Variants in IL1RAPL1 observed in about 807,000 individuals in gnomAD.
IL1RAPL1 encodes interleukin 1 receptor accessory protein like 1, also known as interleukin-1 receptor accessory protein-like 1.
In IL1RAPL1, 3 loss-of-function variants were observed where a neutral mutation model predicts 48.4. The ratio of observed to expected loss-of-function variants is 0.06; its 90% CI spans 0.03 to 0.16. The LOEUF (loss-of-function observed/expected upper bound fraction) is 0.16, where lower values mean the gene tolerates loss of function less well. Among genes scored for constraint, IL1RAPL1 ranks in the 10% least tolerant of loss-of-function variants. IL1RAPL1 has a pLI of 1.00. For missense variants in IL1RAPL1, 349 were observed against 530.6 expected (o/e 0.66, Z 3.36); for synonymous variants, 185 against 187.7 (o/e 0.99, Z 0.12).
intron 3 of IL1RAPL1, among the ~76,000 whole-genome samples, chrX:29,381,765 A>G (rs1373372381): frequency 1.0e-5 from 1 of 97,716 alleles, no homozygotes; most frequent in East Asian, 3.3e-4. Flanking sequence ...GCAGCGAGCC[A>G]TGATTGTGCC....
At chrX:29,810,999 A>G (rs762645030) in intron 6 of IL1RAPL1, among the ~76,000 whole-genome samples, 9 of 111,311 alleles carry the variant, frequency 8.1e-5, no homozygotes, top group African/African-American at 2.0e-4. Context: ...CTTTGTTAGA[A>G]TCTGCTGTCT....
chrX:29,665,838 G>A (rs774054129), intron 5 of IL1RAPL1, among the ~76,000 whole-genome samples: 88 of 112,069 alleles, frequency 7.9e-4, no homozygotes, highest in South Asian at 4.1e-3. Context: ...GCTCTCTGCC[G>A]TAGGTTATGA....
In IL1RAPL1 at chrX:28,778,366, C is replaced by G. The variant is rs1374568359; in HGVS notation, c.-24-10954C>G. ...TAAATATATTGGCAGGGAGAACTCA[C>G]AAAGGAGGGCAAATTCACTCAGCTA... On this transcript the variant is annotated intron_variant, in intron 1 of 10. Transcript: ENST00000378993. Among the ~76,000 whole-genome samples the G allele has an allele frequency of 1.1e-4, 12 of 111,312 alleles. No homozygotes were observed. The Admixed American group carries it at 1.2e-3, about 11-fold the overall frequency.
rs1318451108 is a variant in IL1RAPL1, at chrX:29,925,239, T to C, written c.1057+5145T>C. Among the ~76,000 whole-genome samples, 3 of 109,916 alleles carry C rather than the reference T, an allele frequency of 2.7e-5. No homozygotes were observed. In the Admixed American group the frequency reaches 2.9e-4, roughly 11 times the overall value. ...AATGACCCATTAAAAGCTGAGCTAATGTCAATGAAATGGATACTTTTACTG... is the reference window on the plus strand; with the variant it reads ...AATGACCCATTAAAAGCTGAGCTAACGTCAATGAAATGGATACTTTTACTG... On this transcript the variant is annotated intron_variant, in intron 8 of 10. Coordinates refer to ENST00000378993, the MANE Select transcript of IL1RAPL1 (RefSeq NM_014271.4).
chrX:29,907,230 C>T (rs961857998), intron 6 of IL1RAPL1, among the ~76,000 whole-genome samples: 3 of 110,191 alleles, frequency 2.7e-5, no homozygotes, highest in Admixed American at 1.9e-4. Context: ...GAAAGCATAC[C>T]CAGACACACA....
chrX:29,868,117 G>A (rs986104698), intron 6 of IL1RAPL1, among the ~76,000 whole-genome samples: 2 of 111,980 alleles, frequency 1.8e-5, no homozygotes, highest in African/African-American at 6.5e-5. Flanking sequence ...TTCTTTTCTA[G>A]TGAGGTTCCT....
intron 2 of IL1RAPL1, among the ~76,000 whole-genome samples, chrX:29,198,812 G>C (rs1470791759): frequency 9.0e-6 from 1 of 111,728 alleles, no homozygotes; most frequent in Admixed American, 9.5e-5. Flanking sequence ...ATCTCTTGGT[G>C]TGGGATCTGT....
At chrX:29,760,717 G>T (rs1015842496) in intron 6 of IL1RAPL1, among the ~76,000 whole-genome samples, 1 of 111,239 alleles carries the variant, frequency 9.0e-6, no homozygotes, top group Non-Finnish European at 1.9e-5. Context: ...TGAGAATTAG[G>T]CAAACTGGCA....
intron 3 of IL1RAPL1, among the ~76,000 whole-genome samples, chrX:29,394,532 A>G (rs1239312383): frequency 8.9e-6 from 1 of 112,384 alleles, no homozygotes; most frequent in Non-Finnish European, 1.9e-5. Flanking sequence ...TAAAATTGCC[A>G]AATTCTTATT....
In IL1RAPL1 at chrX:29,730,486, C is replaced by T. The variant is rs368792409; in HGVS notation, c.778+61982C>T. ...GTCAAATGAAAACTACTGATGGCCCCTTCCAAAAAAAATAAGTATCATTAC... is the reference window on the plus strand; with the variant it reads ...GTCAAATGAAAACTACTGATGGCCCTTTCCAAAAAAAATAAGTATCATTAC... On this transcript the variant is annotated intron_variant, in intron 6 of 10. Transcript: ENST00000378993. Among the ~76,000 whole-genome samples, 12 of 111,944 alleles carry T rather than the reference C, an allele frequency of 1.1e-4. No homozygotes were observed. In the East Asian group the frequency reaches 2.2e-3, roughly 21 times the overall value.
At chrX:28,754,093 C>T (rs930699967) in intron 1 of IL1RAPL1, among the ~76,000 whole-genome samples, 2 of 111,325 alleles carry the variant, frequency 1.8e-5, no homozygotes, top group African/African-American at 6.5e-5. Flanking sequence ...ACTTTTTTCT[C>T]ACACATTGTA....
chrX:29,880,668 A>G (rs1164281247), intron 6 of IL1RAPL1, among the ~76,000 whole-genome samples: 1 of 111,787 alleles, frequency 8.9e-6, no homozygotes, highest in African/African-American at 3.2e-5. Context: ...GAAGTATTCA[A>G]TCAACATTTT....
At chrX:29,471,231 G>A (rs1015449002) in intron 5 of IL1RAPL1, among the ~76,000 whole-genome samples, 7 of 111,434 alleles carry the variant, frequency 6.3e-5, no homozygotes, top group Non-Finnish European at 9.4e-5. Flanking sequence ...AAGAAAGGGA[G>A]AGAGGGTAGC....
chrX:29,801,966 T>C (rs779996000), intron 6 of IL1RAPL1, among the ~76,000 whole-genome samples: 1 of 112,351 alleles, frequency 8.9e-6, no homozygotes, highest in Non-Finnish European at 1.9e-5. Flanking sequence ...TATAATTCTA[T>C]TATTGATATA....
chrX:29,043,094 A>G (rs1455563518), intron 2 of IL1RAPL1, among the ~76,000 whole-genome samples: 1 of 111,654 alleles, frequency 9.0e-6, no homozygotes, highest in Non-Finnish European at 1.9e-5. Context: ...AGGCAGTTCC[A>G]TCTGAGGCAT....
intron 6 of IL1RAPL1, among the ~76,000 whole-genome samples, chrX:29,751,659 G>T (rs1337081896): frequency 1.8e-5 from 2 of 111,308 alleles, no homozygotes; most frequent in African/African-American, 6.5e-5. Flanking sequence ...CGCTGGGTGT[G>T]GTGGCCCAAA....
chrX:29,112,637 A>C (rs1218832901), intron 2 of IL1RAPL1, among the ~76,000 whole-genome samples: 1 of 110,395 alleles, frequency 9.1e-6, no homozygotes, highest in Non-Finnish European at 1.9e-5. Context: ...GACCCAATAC[A>C]GTGTGACTGG....
chrX:29,734,188 AAAG>A (rs1283210467), intron 6 of IL1RAPL1, among the ~76,000 whole-genome samples: 2 of 112,948 alleles, frequency 1.8e-5, no homozygotes, highest in Non-Finnish European at 3.7e-5. Flanking sequence ...GCACAGGAAA[AAAG>A]AAGACAGTAT....
intron 2 of IL1RAPL1, among the ~76,000 whole-genome samples, chrX:29,157,324 C>T (rs1929589002): frequency 1.8e-5 from 2 of 111,647 alleles, no homozygotes; most frequent in Admixed American, 9.6e-5. Flanking sequence ...GAAACACCTA[C>T]TCTATCTCTA....
Sources: allele counts gnomAD v4.1 joint callset (sites outside exome capture counted in the v4.1 genomes callset), GRCh38; gene constraint gnomAD v4.1.1; transcripts MANE v1.5; gene names NCBI Gene and HGNC (gene_info 2026-07-23, HGNC 2026-07-21).